FBXL20: variants seen among roughly 807,000 people sequenced by gnomAD.
FBXL20 encodes F-box/LRR-repeat protein 20.
In FBXL20, 11 loss-of-function variants were observed where a neutral mutation model predicts 64.0. The observed-to-expected ratio is 0.17, with a 90% CI of 0.11 to 0.28. The LOEUF (loss-of-function observed/expected upper bound fraction) is 0.28, where lower values mean the gene tolerates loss of function less well. FBXL20 is among the 10% of genes least tolerant of loss of function. FBXL20 has a pLI of 1.00. For synonymous variants in FBXL20, 184 were observed against 189.0 expected (o/e 0.97, Z 0.22); for missense variants, 303 against 526.2 (o/e 0.58, Z 4.15).
intron 9 of FBXL20, among the ~76,000 whole-genome samples, chr17:39,279,518 A>T (rs1330427929): frequency 2.6e-5 from 4 of 151,710 alleles, no homozygotes; most frequent in Non-Finnish European, 5.9e-5. Context: ...AAAAAAAGGA[A>T]CTTATCACTT....
intron 3 of FBXL20, among the ~76,000 whole-genome samples, chr17:39,302,984 T>C (rs1275087816): frequency 6.6e-6 from 1 of 151,728 alleles, no homozygotes; most frequent in Non-Finnish European, 1.5e-5. Context: ...TGATCTCGGC[T>C]CACTGCAAGC....
At chr17:39,353,815 G>T (rs1172905505) in intron 1 of FBXL20, among the ~76,000 whole-genome samples, 7 of 151,948 alleles carry the variant, frequency 4.6e-5, no homozygotes, top group Admixed American at 2.0e-4. Flanking sequence ...TAGAGATGGG[G>T]TTTCATCATA....
intron 1 of FBXL20, among the ~76,000 whole-genome samples, chr17:39,368,876 C>T (rs1382729686): frequency 2.6e-5 from 4 of 152,100 alleles, no homozygotes; most frequent in African/African-American, 9.7e-5. Flanking sequence ...AGGATGGTCT[C>T]GATCTCCTCA....
intron 2 of FBXL20, among the ~76,000 whole-genome samples, chr17:39,317,587 A>G (rs978624468): frequency 6.6e-6 from 1 of 151,976 alleles, no homozygotes; most frequent in Non-Finnish European, 1.5e-5. Context: ...GGTGATTATA[A>G]AGAAGGAAAA....
rs545116534 is a variant in FBXL20, at chr17:39,317,336, A to T, written c.105-13697T>A. Among the ~76,000 whole-genome samples the T allele has an allele frequency of 1.6e-4, 24 of 152,062 alleles. No homozygotes were observed. The South Asian group carries it at 4.8e-3, about 30-fold the overall frequency. ...AACCTCCGCTTCCGGGGTTCAACTG[A>T]TTCTCCTGCCTCAGCCTCCTGAGTA... On this transcript the variant is annotated intron_variant, in intron 2 of 14. Coordinates refer to ENST00000264658, the MANE Select transcript of FBXL20 (RefSeq NM_032875.3).
chr17:39,305,206 T>C (rs537675827), intron 2 of FBXL20, among the ~76,000 whole-genome samples: 2 of 152,348 alleles, frequency 1.3e-5, no homozygotes, highest in South Asian at 4.1e-4. Flanking sequence ...GTTAGATCTC[T>C]ACATATTTCA....
intron 1 of FBXL20, among the ~76,000 whole-genome samples, chr17:39,357,591 G>A (rs1179696942): frequency 2.0e-5 from 3 of 152,134 alleles, no homozygotes; most frequent in Non-Finnish European, 4.4e-5. Context: ...ATGTCACCCA[G>A]GCTAGAGTGC....
intron 1 of FBXL20, among the ~76,000 whole-genome samples, chr17:39,363,883 C>CTTTTTTTT (rs71147324): frequency 2.1e-5 from 1 of 48,670 alleles, no homozygotes; most frequent in African/African-American, 9.1e-5. Context: ...TGAATCATAT[C>CTTTTTTTT]TTTTTTTTTT....
intron 12 of FBXL20, among the ~76,000 whole-genome samples, chr17:39,266,977 A>G (rs970713141): frequency 1.3e-5 from 2 of 151,882 alleles, no homozygotes; most frequent in Non-Finnish European, 2.9e-5. Context: ...GCAGGGCCAG[A>G]CATGGTAGTT....
chr17:39,348,454 G>A (rs545446762), intron 1 of FBXL20, among the ~76,000 whole-genome samples: 14 of 133,978 alleles, frequency 1.0e-4, no homozygotes, highest in Admixed American at 3.7e-4. Context: ...ACGAGACTCC[G>A]TCTCAAAAAA....
chr17:39,314,583 A>T (rs570224636), intron 2 of FBXL20, among the ~76,000 whole-genome samples: 51 of 151,750 alleles, frequency 3.4e-4, no homozygotes, highest in African/African-American at 1.2e-3. Context: ...CTGATCTGGA[A>T]CTCCCAACCT....
At chr17:39,368,903 C>T (rs1467031412) in intron 1 of FBXL20, among the ~76,000 whole-genome samples, 2 of 152,146 alleles carry the variant, frequency 1.3e-5, no homozygotes, top group African/African-American at 4.8e-5. Context: ...GATCTGCCCA[C>T]TTCGGCCTCC....
chr17:39,266,065 C>CTTTT (rs34822405), intron 12 of FBXL20, among the ~76,000 whole-genome samples: 1 of 62,732 alleles, frequency 1.6e-5, no homozygotes, highest in African/African-American at 6.1e-5. Flanking sequence ...CTCATTCATT[C>CTTTT]TTTTTTTTTT....
At chr17:39,355,388 A>G (rs1383568047) in intron 1 of FBXL20, among the ~76,000 whole-genome samples, 1 of 152,016 alleles carries the variant, frequency 6.6e-6, no homozygotes, top group Non-Finnish European at 1.5e-5. Flanking sequence ...TTCTTCATAT[A>G]TTTTAAATAG....
In FBXL20 at chr17:39,260,915, T is replaced by G. The variant is rs1305623822; in HGVS notation, c.*545A>C. On this transcript the variant is annotated 3_prime_UTR_variant, in exon 15 of 15. Coordinates refer to ENST00000264658, the MANE Select transcript of FBXL20 (RefSeq NM_032875.3). ...ACAGGAGGAATGGACGAGCCTTCTT[T>G]GTGAGCATGCTCAGCATGTTGGCAT... 6.4e-6 allele frequency: 1 copy of G among 155,964 alleles called. No homozygotes were observed. Among genetic ancestry groups the G allele is most frequent in the African/African-American group, 2.4e-5 (1 of 41,478 alleles). 9.7% of individuals were successfully genotyped at this position (155,964 alleles called of 1,614,324 possible).
At chr17:39,384,076 G>T (rs538056775) in intron 1 of FBXL20, among the ~76,000 whole-genome samples, 3 of 151,940 alleles carry the variant, frequency 2.0e-5, no homozygotes, top group East Asian at 3.9e-4. Context: ...TCTACAAAAA[G>T]TCAAAAAAAT....
chr17:39,316,863 C>G (rs898859378), intron 2 of FBXL20, among the ~76,000 whole-genome samples: 8 of 152,202 alleles, frequency 5.3e-5, no homozygotes, highest in Admixed American at 5.2e-4. Context: ...GTGCTGGGCG[C>G]CTGTAATCCC....
chr17:39,399,153 G>A lies in FBXL20; in HGVS notation c.42+2208C>T, dbSNP rs185663071. 1.5e-3 allele frequency among the ~76,000 whole-genome samples: 234 copies of A among 152,124 alleles called. 2 individuals carry two copies. Among genetic ancestry groups the A allele is most frequent in the African/African-American group, 5.2e-3 (216 of 41,482 alleles). The stretch of plus-strand genomic sequence containing the variant: ...CTCCAAGAAAAATAAACCTTACGTA[G>A]CCACAATTTGAAATTAGCTATTATG... On this transcript the variant is annotated intron_variant, in intron 1 of 14. Transcript: ENST00000264658.
chr17:39,386,304 C>T (rs1345896322), intron 1 of FBXL20, among the ~76,000 whole-genome samples: 1 of 149,392 alleles, frequency 6.7e-6, no homozygotes. Flanking sequence ...AAGACTCTGT[C>T]TCAAAAATAA....
Sources: allele counts gnomAD v4.1 joint callset (sites outside exome capture counted in the v4.1 genomes callset), GRCh38; gene constraint gnomAD v4.1.1; transcripts MANE v1.5; gene names NCBI Gene and HGNC (gene_info 2026-07-23, HGNC 2026-07-21).